Variants in AARS2 observed in about 807,000 individuals in gnomAD.
AARS2 encodes the protein alanine--tRNA ligase, mitochondrial.
In AARS2, 78 loss-of-function variants were observed where a neutral mutation model predicts 119.7. The observed-to-expected ratio is 0.65, with a 90% CI of 0.54 to 0.79. AARS2 has a LOEUF of 0.79. Ranked by LOEUF, AARS2 falls within the 30% of genes least tolerant of loss-of-function variation. AARS2 has a pLI of 0.00. For synonymous variants in AARS2, 502 were observed against 526.3 expected (o/e 0.95, Z 0.63); for missense variants, 1,157 against 1,291.3 (o/e 0.90, Z 1.59).
Position 44,307,258 on chromosome 6 carries a change from G to A in AARS2, c.1031C>T (p.Ser344Leu), listed in dbSNP as rs1372557756. ...CISDGIFPGM[S>L]GPPLVLRRIL... ...GCCCTTCCAGACTCACGGGGGACCT[G>A]ACATCCCAGGGAAGATGCCATCAGA... Residue 344 changes from serine to leucine, a missense_variant, in exon 6 of 22, where the codon TCA becomes TTA. Physicochemically the swap from Ser to Leu is moderately radical, Grantham distance 145 (BLOSUM62 -2). Coordinates refer to ENST00000244571, the MANE Select transcript of AARS2 (RefSeq NM_020745.4). This position sits in a 1 kb window ranked among gnomAD's most constrained non-coding sequence, Gnocchi z 4.4. The A allele has an allele frequency of 3.1e-6, 5 of 1,613,730 alleles. No individual in the cohort carries two copies. Among genetic ancestry groups the A allele is most frequent in the Non-Finnish European group, 3.4e-6 (4 of 1,179,946 alleles).
chr6:44,301,438 C>T lies in AARS2; in HGVS notation c.2625G>A (p.Leu875=). Residue 875 remains leucine (L), a synonymous_variant, in exon 20 of 22, where the codon CTG becomes CTA. Coordinates refer to ENST00000244571, the MANE Select transcript of AARS2 (RefSeq NM_020745.4). ...TCAGAGGCCCCTTCGAGTGCCGCTC[C>T]AGCAGCTCCTGAGTTTTCTTTGCAG... ...GQAAKKTQEL[L]ERHSKGPLIV... is the part of the protein sequence containing the mutation. 1.2e-6 allele frequency: 2 copies of T among 1,613,836 alleles called. No individual in the cohort carries two copies. Among genetic ancestry groups the T allele is most frequent in the Non-Finnish European group, 1.7e-6 (2 of 1,180,020 alleles).
Position 44,305,692 on chromosome 6 carries a change from G to C in AARS2, c.1395C>G (p.Asp465Glu). 6.2e-7 allele frequency: 1 copy of C among 1,614,186 alleles called. No individual in the cohort carries two copies. The highest frequency in any genetic ancestry group is 8.5e-7 in the Non-Finnish European group (1 of 1,180,038). Reference protein sequence around the residue: ...LMLEEKGVQLDSAGLERLAQE... With the variant: ...LMLEEKGVQLESAGLERLAQE... ...GGGCCAACCGCTCCAGTCCAGCGGA[G>C]TCTAGCTGGACCCCTTTCTCCTCCA... The change falls in exon 10 of 22, where the codon GAC (aspartate) becomes GAG (glutamate). Residue 465 changes from aspartate (D) to glutamate (E), a missense_variant. Asp to Glu is a conservative substitution (Grantham distance 45). Transcript: ENST00000244571. This position sits in a 1 kb window ranked among gnomAD's most constrained non-coding sequence, Gnocchi z 4.6.
Position 44,312,329 on chromosome 6 carries a change from G to A in AARS2, c.244-66C>T, listed in dbSNP as rs973452926. On this transcript the variant is annotated intron_variant, in intron 1 of 21. Transcript: ENST00000244571. Reference sequence around the variant, plus strand: ...ATTTCTCAGTAGAAGGGAAATGTGGGGAGTGAGGATAGGGATGGCTGTTCA... The same window carrying A: ...ATTTCTCAGTAGAAGGGAAATGTGGAGAGTGAGGATAGGGATGGCTGTTCA... 23 of 1,524,790 alleles carry A rather than the reference G, an allele frequency of 1.5e-5. No homozygotes were observed. In the African/African-American group the frequency reaches 2.6e-4, roughly 17 times the overall value. 94.5% of individuals were successfully genotyped at this position (1,524,790 alleles called of 1,614,324 possible).
In AARS2 at chr6:44,310,349, A is replaced by C; in HGVS notation, c.844T>G (p.Ser282Ala). The C allele has an allele frequency of 6.2e-7, 1 of 1,613,382 alleles. No homozygotes were observed. The highest frequency in any genetic ancestry group is 8.5e-7 in the Non-Finnish European group (1 of 1,179,726). ...GAAAAGAGGTCAGTGTCATAGGTGG[A>C]GTGTTTGCCTTGCAGCACAGCCACC... ...RLVAVLQGKH[S>A]TYDTDLFSPL... The change falls in exon 5 of 22, where the codon TCC becomes GCC. Residue 282 changes from serine (S) to alanine (A), a missense_variant. Ser to Ala is a moderately conservative substitution (Grantham distance 99, BLOSUM62 1). Coordinates refer to ENST00000244571, the MANE Select transcript of AARS2 (RefSeq NM_020745.4).
chr6:44,311,947 T>A (rs1340340305), intron 2 of AARS2, 125 bp downstream of exon 2: 1 of 1,189,482 alleles, frequency 8.4e-7, no homozygotes, highest in Non-Finnish European at 1.2e-6. Context: ...GTAATTCCTG[T>A]TACACCGGCT....
At position 44,313,063 on chromosome 6, in the gene AARS2, G is replaced by A; in HGVS notation, c.243+18C>T. On this transcript the variant is annotated intron_variant, in intron 1 of 21. Coordinates refer to ENST00000244571, the MANE Select transcript of AARS2 (RefSeq NM_020745.4). ...AACTCACGAACTCCGCTCCCTATCA[G>A]TATGGTTCGGCCCTCACCTGGTTCA... 6 of 1,612,666 alleles carry A rather than the reference G, an allele frequency of 3.7e-6. No homozygotes were observed. Among genetic ancestry groups the A allele is most frequent in the Non-Finnish European group, 5.1e-6 (6 of 1,179,914 alleles).
In AARS2 at chr6:44,300,568, G is replaced by C. The variant is rs200778121; in HGVS notation, c.2937C>G (p.Thr979=). The C allele has an allele frequency of 4.4e-5, 71 of 1,614,104 alleles. No individual in the cohort carries two copies. The East Asian group carries it at 1.4e-3, about 32-fold the overall frequency. The change falls in exon 22 of 22, where the codon ACC becomes ACG. Residue 979 remains threonine (T), a synonymous_variant. Transcript: ENST00000244571. The part of the protein sequence containing the change: ...DLEAALSIAQ[T]YALSQL ...TGGGTCAGAGCTGGCTGAGGGCATA[G>C]GTTTGGGCTATACTGAGGGCAGCTT...
At position 44,305,501 on chromosome 6, in the gene AARS2, T is replaced by C; in HGVS notation, c.1434+152A>G. On this transcript the variant is annotated intron_variant, in intron 10 of 21. Coordinates refer to ENST00000244571, the MANE Select transcript of AARS2 (RefSeq NM_020745.4). The surrounding 1 kb of genome is among the most constrained non-coding windows in gnomAD (Gnocchi z 4.6). Reference sequence around the variant, plus strand: ...GGCTAGTTTTGCTTTCTACTGGTTGTGGCCTGAGGTTTTAGAAACCTCCCA... The same window carrying C: ...GGCTAGTTTTGCTTTCTACTGGTTGCGGCCTGAGGTTTTAGAAACCTCCCA... 1 of 1,252,206 alleles carries C rather than the reference T, an allele frequency of 8.0e-7. No individual in the cohort carries two copies. The highest frequency in any genetic ancestry group is 1.1e-6 in the Non-Finnish European group (1 of 888,592). 77.6% of individuals were successfully genotyped at this position (1,252,206 alleles called of 1,614,324 possible).
Position 44,313,074 on chromosome 6 carries a change from C to T in AARS2, c.243+7G>A. ...TCCGCTCCCTATCAGTATGGTTCGG[C>T]CCTCACCTGGTTCATGCCCGCATTG... is the stretch of plus-strand genomic sequence containing the variant. On this transcript the variant is annotated splice_region_variant and intron_variant, in intron 1 of 21. Transcript: ENST00000244571. 1.2e-6 allele frequency: 2 copies of T among 1,613,120 alleles called. No homozygotes were observed. The highest frequency in any genetic ancestry group is 2.2e-5 in the South Asian group (2 of 91,022).
In AARS2 at chr6:44,300,486, T is replaced by G; in HGVS notation, c.*61A>C. On this transcript the variant is annotated 3_prime_UTR_variant, in exon 22 of 22. Transcript: ENST00000244571. ...GCTTCAGCATGTGGGAAGGTTCTGC[T>G]GGCTCCTTCAGGGCTCCTGGCATTG... is the stretch of plus-strand genomic sequence containing the variant. 6.2e-7 allele frequency: 1 copy of G among 1,609,020 alleles called. No individual in the cohort carries two copies. The highest frequency in any genetic ancestry group is 8.5e-7 in the Non-Finnish European group (1 of 1,176,296).
At chr6:44,311,183 T>C in intron 3 of AARS2, 22 bp from the exon 4 acceptor site, 2 of 1,613,732 alleles carry the variant, frequency 1.2e-6, no homozygotes, top group Non-Finnish European at 1.7e-6. Flanking sequence ...AGCAGGTGAG[T>C]GGTGGGAGAC....
chr6:44,305,256 G>A lies in AARS2; in HGVS notation c.1435-58C>T. On this transcript the variant is annotated intron_variant, in intron 10 of 21. Transcript: ENST00000244571. This position sits in a 1 kb window ranked among gnomAD's most constrained non-coding sequence, Gnocchi z 4.6. ...ATGGAGAATGAAAGAATGAAAGTGG[G>A]ACTTCAGCCTCGCAGGGCCCTGTCC... 23 of 1,599,886 alleles carry A rather than the reference G, an allele frequency of 1.4e-5. No homozygotes were observed. Among genetic ancestry groups the A allele is most frequent in the Non-Finnish European group, 2.0e-5 (23 of 1,178,550 alleles).
rs770091822 is a variant in AARS2, at chr6:44,313,271, C to T, written c.53G>A (p.Arg18Lys). ...AARRLRRAIR[R>K]SPAWRGLSHR... ...GCTGAGGCCCCGCCATGCGGGCGACCTTCGAATGGCCCGCCGCAGCCTCCG... is the reference window on the plus strand; with the variant it reads ...GCTGAGGCCCCGCCATGCGGGCGACTTTCGAATGGCCCGCCGCAGCCTCCG... The change falls in exon 1 of 22, where the codon AGG becomes AAG. Residue 18 changes from arginine to lysine, a missense_variant. By Grantham distance (26) the Arg-to-Lys change is conservative. Transcript: ENST00000244571. 1.3e-6 allele frequency: 2 copies of T among 1,597,648 alleles called. No individual in the cohort carries two copies. Among genetic ancestry groups the T allele is most frequent in the East Asian group, 2.3e-5 (1 of 44,286 alleles).
chr6:44,307,658 A>G lies in AARS2; in HGVS notation c.895-264T>C, dbSNP rs941943865. ...TCAGAACTGGGTGAGTACTTGAACA[A>G]CATGGCCTCGAATCCCCAAAACAGC... On this transcript the variant is annotated intron_variant, in intron 5 of 21. Coordinates refer to ENST00000244571, the MANE Select transcript of AARS2 (RefSeq NM_020745.4). The surrounding 1 kb of genome is among the most constrained non-coding windows in gnomAD (Gnocchi z 4.4). 1.1e-5 allele frequency: 6 copies of G among 553,634 alleles called. No homozygotes were observed. Among genetic ancestry groups the G allele is most frequent in the Middle Eastern group, 4.8e-4 (1 of 2,080 alleles). The allele number at this position is 553,634 out of a possible 1,614,324, so 34.3% of individuals were successfully genotyped here. A position where few individuals can be genotyped will look rare whatever the true frequency, so the allele number is the denominator to read the frequency against.
intron 9 of AARS2, 108 bp downstream of exon 9, chr6:44,306,172 G>T: frequency 7.7e-6 from 8 of 1,041,180 alleles, no homozygotes; most frequent in Non-Finnish European, 1.2e-5. Context: ...ACATTGGGAA[G>T]AGGTCAGGGG....
chr6:44,300,397 A>T lies in AARS2; in HGVS notation c.*150T>A. On this transcript the variant is annotated 3_prime_UTR_variant, in exon 22 of 22. Transcript: ENST00000244571. The stretch of plus-strand genomic sequence containing the variant: ...TCCCTAGCCCATGTCTCCTTGTGTC[A>T]CGTAGGCCCTGGCCCAGGTGATCTT... 9.0e-7 allele frequency: 1 copy of T among 1,113,458 alleles called. No homozygotes were observed. The highest frequency in any genetic ancestry group is 2.4e-5 in the East Asian group (1 of 42,386). The allele number at this position is 1,113,458 out of a possible 1,614,324, so 69.0% of individuals were successfully genotyped here. A position where few individuals can be genotyped will look rare whatever the true frequency, so the allele number is the denominator to read the frequency against.
At position 44,303,432 on chromosome 6, in the gene AARS2, G is replaced by A; in HGVS notation, c.2008-9C>T. 2 of 1,613,930 alleles carry A rather than the reference G, an allele frequency of 1.2e-6. No homozygotes were observed. Among genetic ancestry groups the A allele is most frequent in the Non-Finnish European group, 1.7e-6 (2 of 1,180,032 alleles). ...TCTGGGGTCAATGGGGTCTGGAGGGGTGGGGAGGAAATGGAAAGACCAACA... is the reference window on the plus strand; with the variant it reads ...TCTGGGGTCAATGGGGTCTGGAGGGATGGGGAGGAAATGGAAAGACCAACA... On this transcript the variant is annotated splice_polypyrimidine_tract_variant and intron_variant, in intron 14 of 21. Transcript: ENST00000244571.
rs1206576164 is a variant in AARS2, at chr6:44,303,353, G to C, written c.2078C>G (p.Ala693Gly). 1.2e-6 allele frequency: 2 copies of C among 1,613,942 alleles called. No homozygotes were observed. Among genetic ancestry groups the C allele is most frequent in the African/African-American group, 2.7e-5 (2 of 74,936 alleles). Residue 693 changes from alanine to glycine, a missense_variant, in exon 15 of 22, where the codon GCT (alanine) becomes GGT (glycine). By Grantham distance (60) the Ala-to-Gly change is moderately conservative. Coordinates refer to ENST00000244571, the MANE Select transcript of AARS2 (RefSeq NM_020745.4). Reference sequence around the variant, plus strand: ...CAGGGGCACCTCCTCCATGTACACAGCCTCATCCTGCCCCACGGCCTCCTG... The same window carrying C: ...CAGGGGCACCTCCTCCATGTACACACCCTCATCCTGCCCCACGGCCTCCTG... ...TVQEAVGQDE[A>G]VYMEEVPLAL... is the part of the protein sequence containing the mutation.
chr6:44,306,195 A>T, intron 9 of AARS2, 85 bp downstream of exon 9: 1 of 1,290,100 alleles, frequency 7.8e-7, no homozygotes, highest in Non-Finnish European at 1.1e-6. Flanking sequence ...GATATGAGGC[A>T]TGGGGCTGGC....
Sources: gnomAD v4.1 joint callset for allele counts on GRCh38, gnomAD v4.1.1 for gene constraint, Gnocchi (gnomAD v3.1) non-coding constraint, MANE v1.5 for transcripts, NCBI Gene and HGNC (gene_info 2026-07-23, HGNC 2026-07-21) for gene names.